The following MTUS2 variants were observed in gnomAD, a reference collection of about 807,000 sequenced individuals.
The protein encoded by MTUS2 is microtubule associated scaffold protein 2.
A neutral mutation model predicts 114.1 loss-of-function variants in MTUS2; 40 were observed. The observed-to-expected ratio is 0.35, with a 90% CI of 0.27 to 0.46. The LOEUF is 0.46. MTUS2 is among the 20% of genes least tolerant of loss of function. The pLI is 1.00. For missense variants in MTUS2, 1,679 were observed against 1,705.4 expected, an observed-to-expected ratio of 0.98 and a Z score of 0.27; for synonymous variants, 688 against 672.0, an observed-to-expected ratio of 1.02 and a Z score of -0.37.
At chr13:29,493,539 T>C (rs1351652412) in intron 12 of MTUS2, among the ~76,000 whole-genome samples, 2 of 152,202 alleles carry the variant, frequency 1.3e-5, no homozygotes, top group Non-Finnish European at 2.9e-5. Context: ...TTCTGCTTCT[T>C]CGATGGCTCA....
chr13:28,945,818 A>G (rs1882495717), intron 2 of MTUS2, among the ~76,000 whole-genome samples: 1 of 152,160 alleles, frequency 6.6e-6, no homozygotes, highest in African/African-American at 2.4e-5. Flanking sequence ...TAGAAACTTT[A>G]TAGTGTGAGT....
rs147303820 is a variant in MTUS2, at chr13:29,154,653, G to T, written c.2644+53683G>T. ...TGCCAGGAGAATCAATGCAGGAAAA[G>T]AACTCAAATTACCTGTCATCATACA... On this transcript the variant is annotated intron_variant, in intron 5 of 15. Transcript: ENST00000612955. Among the ~76,000 whole-genome samples the T allele has an allele frequency of 4.2e-3, 642 of 152,296 alleles. 1 individual carries two copies. The highest frequency in any genetic ancestry group is 0.027 in the Middle Eastern group (8 of 294).
rs1308122645 is a variant in MTUS2, at chr13:29,375,574, C to A, written c.3117+16101C>A. On this transcript the variant is annotated intron_variant, in intron 8 of 15. Coordinates refer to ENST00000612955, the MANE Select transcript of MTUS2 (RefSeq NM_001033602.4). ...ATATATATACGTATATATATATATA[C>A]ATATATATATATACGTATATATATA... 2.8e-3 allele frequency among the ~76,000 whole-genome samples: 9 copies of A among 3,196 alleles called. 4 individuals carry two copies. In the South Asian group the frequency reaches 0.068, roughly 24 times the overall value. 2.1% of individuals were successfully genotyped at this position (3,196 alleles called of 152,430 possible).
intron 2 of MTUS2, among the ~76,000 whole-genome samples, chr13:28,960,251 A>G (rs1883262040): frequency 6.6e-6 from 1 of 152,334 alleles, no homozygotes; most frequent in Admixed American, 6.5e-5. Flanking sequence ...AAGGATATGG[A>G]AAAGTTAGAA....
intron 2 of MTUS2, among the ~76,000 whole-genome samples, chr13:28,960,850 G>T (rs899823608): frequency 6.6e-6 from 1 of 152,034 alleles, no homozygotes; most frequent in African/African-American, 2.4e-5. Flanking sequence ...GAATTCTATG[G>T]TGTGTGAATT....
chr13:29,456,201 C>G (rs563140931), intron 9 of MTUS2, among the ~76,000 whole-genome samples: 1 of 152,186 alleles, frequency 6.6e-6, no homozygotes, highest in South Asian at 2.1e-4. Flanking sequence ...GAACCAAAAA[C>G]AGAACCTCTG....
intron 5 of MTUS2, among the ~76,000 whole-genome samples, chr13:29,243,753 G>A (rs577675163): frequency 6.6e-6 from 1 of 152,202 alleles, no homozygotes; most frequent in Non-Finnish European, 1.5e-5. Flanking sequence ...ACCTGGGCTG[G>A]AGAAAGCAGT....
chr13:29,203,953 G>C (rs1028811225), intron 5 of MTUS2, among the ~76,000 whole-genome samples: 7 of 150,898 alleles, frequency 4.6e-5, no homozygotes, highest in African/African-American at 1.7e-4. Context: ...AGTTACCGAA[G>C]CTGTTACTTT....
chr13:29,280,562 A>G (rs1299057260), intron 5 of MTUS2, among the ~76,000 whole-genome samples: 2 of 152,246 alleles, frequency 1.3e-5, no homozygotes, highest in Non-Finnish European at 2.9e-5. Context: ...CATTTTAATA[A>G]TATTATCATT....
chr13:29,224,654 G>A (rs1276934564), intron 5 of MTUS2, among the ~76,000 whole-genome samples: 2 of 151,972 alleles, frequency 1.3e-5, no homozygotes, highest in Non-Finnish European at 1.5e-5. Context: ...CATCAGTCTG[G>A]TCCATAAATT....
chr13:29,251,651 T>C (rs917277829), intron 5 of MTUS2, among the ~76,000 whole-genome samples: 2 of 152,212 alleles, frequency 1.3e-5, no homozygotes, highest in Non-Finnish European at 1.5e-5. Context: ...ACTTTTCTCA[T>C]CTCTATGAAT....
intron 8 of MTUS2, among the ~76,000 whole-genome samples, chr13:29,377,271 A>T (rs1350677432): frequency 1.3e-5 from 2 of 152,158 alleles, no homozygotes; most frequent in Non-Finnish European, 2.9e-5. Flanking sequence ...TTTGTAAAAT[A>T]CTCTACCCAA....
intron 5 of MTUS2, among the ~76,000 whole-genome samples, chr13:29,196,135 C>T (rs565419930): frequency 4.7e-5 from 7 of 149,596 alleles, no homozygotes; most frequent in Admixed American, 2.7e-4. Flanking sequence ...CTCGCTCTGT[C>T]GCCGAGGTGG....
At chr13:29,112,121 AG>A (rs1429651267) in intron 5 of MTUS2, among the ~76,000 whole-genome samples, 2 of 152,234 alleles carry the variant, frequency 1.3e-5, no homozygotes, top group East Asian at 3.8e-4. Flanking sequence ...GCTGAAAATA[AG>A]GAGAACAGCC....
chr13:29,238,830 T>C (rs920769731), intron 5 of MTUS2, among the ~76,000 whole-genome samples: 4 of 152,196 alleles, frequency 2.6e-5, no homozygotes, highest in African/African-American at 9.7e-5. Context: ...GATTACATTA[T>C]GCTATAGGTA....
At chr13:29,440,295 G>A (rs1192959193) in intron 9 of MTUS2, among the ~76,000 whole-genome samples, 1 of 152,178 alleles carries the variant, frequency 6.6e-6, no homozygotes, top group African/African-American at 2.4e-5. Context: ...TCTTGACTGT[G>A]CTATTTGCAG....
chr13:29,326,870 C>A (rs1471138460), intron 7 of MTUS2, among the ~76,000 whole-genome samples: 1 of 152,042 alleles, frequency 6.6e-6, no homozygotes. Context: ...GTCCCAGCTA[C>A]TTGGGAAGCT....
intron 5 of MTUS2, among the ~76,000 whole-genome samples, chr13:29,114,090 G>T (rs1890988321): frequency 6.6e-6 from 1 of 151,906 alleles, no homozygotes; most frequent in Admixed American, 6.6e-5. Context: ...GCTTCCTGAG[G>T]CCCTCCCTAG....
intron 4 of MTUS2, among the ~76,000 whole-genome samples, chr13:29,047,345 G>A (rs1025401277): frequency 2.6e-5 from 4 of 152,090 alleles, no homozygotes; most frequent in Non-Finnish European, 5.9e-5. Flanking sequence ...CTTCGTGATA[G>A]CAGAGACCAT....
Sources: gnomAD v4.1 joint callset for allele counts (sites outside exome capture counted in the v4.1 genomes callset) on GRCh38, gnomAD v4.1.1 for gene constraint, MANE v1.5 for transcripts, NCBI Gene and HGNC (gene_info 2026-07-23, HGNC 2026-07-21) for gene names.